Variants in CDK6 observed in about 807,000 individuals in gnomAD.
The protein encoded by CDK6 is cyclin-dependent kinase 6.
Under a neutral mutation model 37.1 loss-of-function variants are expected in CDK6, and 6 were observed. That is an observed-to-expected ratio of 0.16 (90% CI 0.09 to 0.32). The LOEUF (loss-of-function observed/expected upper bound fraction) is 0.32. CDK6 is among the 10% of genes least tolerant of loss of function. The pLI is 1.00. For missense variants in CDK6, 224 were observed against 418.9 expected, an observed-to-expected ratio of 0.53 and a Z score of 4.06; for synonymous variants, 160 against 161.3, an observed-to-expected ratio of 0.99 and a Z score of 0.06.
chr7:92,662,446 G>T (rs1180609231), intron 5 of CDK6, among the ~76,000 whole-genome samples: 1 of 152,164 alleles, frequency 6.6e-6, no homozygotes, highest in Admixed American at 6.5e-5. Context: ...AAGCCTAGAT[G>T]CAAGTGTTAA....
At position 92,833,311 on chromosome 7, in the gene CDK6, C is replaced by T. The variant is rs576150359; in HGVS notation, c.13G>A (p.Gly5Ser). The change falls in exon 2 of 8, where the codon GGC becomes AGC. Residue 5 changes from glycine to serine, a missense_variant. This residue lies in a region of CDK6 where 18 missense variants were observed against 18.5 expected (regional missense o/e 0.97). Transcript: ENST00000424848. This position sits in a 1 kb window ranked among gnomAD's most constrained non-coding sequence, Gnocchi z 6.1. MEKD[G>S]LCRADQQYEC... is the part of the protein sequence containing the mutation. ...TACTGCTGGTCAGCGCGGCACAGGC[C>T]GTCCTTCTCCATGCCGCCTGGACGC... 3.8e-6 allele frequency: 6 copies of T among 1,593,328 alleles called. No individual in the cohort carries two copies. Among genetic ancestry groups the T allele is most frequent in the Admixed American group, 1.7e-5 (1 of 58,436 alleles).
chr7:92,665,894 C>T (rs1796945358), intron 5 of CDK6, among the ~76,000 whole-genome samples: 1 of 152,142 alleles, frequency 6.6e-6, no homozygotes, highest in Admixed American at 6.5e-5. Flanking sequence ...TGTTGTATGC[C>T]CATGGGCAAG....
chr7:92,670,404 T>C (rs936725865), intron 5 of CDK6, among the ~76,000 whole-genome samples: 2 of 152,188 alleles, frequency 1.3e-5, no homozygotes, highest in African/African-American at 2.4e-5. Context: ...AAGCAAGCAA[T>C]GGCTGACCAC....
At chr7:92,638,805 T>C (rs1461807031) in intron 5 of CDK6, among the ~76,000 whole-genome samples, 1 of 152,192 alleles carries the variant, frequency 6.6e-6, no homozygotes, top group Non-Finnish European at 1.5e-5. Flanking sequence ...TGGATGCCAA[T>C]GATATGCTGA....
At chr7:92,719,702 G>T (rs1339129407) in intron 4 of CDK6, among the ~76,000 whole-genome samples, 1 of 152,148 alleles carries the variant, frequency 6.6e-6, no homozygotes, top group African/African-American at 2.4e-5. Context: ...TTCATGAATA[G>T]CATTAAATGA....
chr7:92,763,702 T>G (rs143740446), intron 3 of CDK6, among the ~76,000 whole-genome samples: 1 of 152,198 alleles, frequency 6.6e-6, no homozygotes, highest in African/African-American at 2.4e-5. Context: ...ACCTACTGAT[T>G]GGCTGGGGTT....
At chr7:92,622,997 T>A (rs770752795) in intron 6 of CDK6, 39 bp downstream of exon 6, 2 of 1,264,922 alleles carry the variant, frequency 1.6e-6, no homozygotes, top group East Asian at 2.4e-5. Flanking sequence ...AATGTTTTAA[T>A]GCTATGGACA....
intron 4 of CDK6, among the ~76,000 whole-genome samples, chr7:92,693,243 A>C (rs182816216): frequency 6.6e-6 from 1 of 152,316 alleles, no homozygotes; most frequent in East Asian, 1.9e-4. Context: ...ACCTGGGTTA[A>C]GAGAAAGAGA....
intron 2 of CDK6, among the ~76,000 whole-genome samples, chr7:92,799,388 C>T (rs1694122665): frequency 6.6e-6 from 1 of 152,164 alleles, no homozygotes; most frequent in Admixed American, 6.5e-5. Context: ...CCCATGGCTT[C>T]CCTGAGAGTT....
chr7:92,735,604 A>G (rs1798766427), intron 3 of CDK6, among the ~76,000 whole-genome samples: 1 of 152,232 alleles, frequency 6.6e-6, no homozygotes, highest in Admixed American at 6.5e-5. Flanking sequence ...CTATCCAGCT[A>G]GATTGCAAAT....
chr7:92,743,060 G>T (rs1798966434), intron 3 of CDK6, among the ~76,000 whole-genome samples: 1 of 151,852 alleles, frequency 6.6e-6, no homozygotes, highest in South Asian at 2.1e-4. Flanking sequence ...TCGGTGAAGA[G>T]AGAGGGGAAG....
chr7:92,671,559 T>A (rs1797071985), intron 4 of CDK6, 24 bp from the exon 5 acceptor site: 1 of 1,444,080 alleles, frequency 6.9e-7, no homozygotes, highest in Non-Finnish European at 9.4e-7. Flanking sequence ...CGGATCCAAG[T>A]GTTACTGAGA....
In CDK6 at chr7:92,725,638, A is replaced by G; in HGVS notation, c.525T>C (p.Ala175=). 6.2e-7 allele frequency: 1 copy of G among 1,613,808 alleles called. No individual in the cohort carries two copies. The highest frequency in any genetic ancestry group is 1.1e-5 in the South Asian group (1 of 91,002). The stretch of plus-strand genomic sequence containing the variant: ...CTCTCTCACTCACCACTGAGGTTAG[A>G]GCCATCTGGAAACTATAGATGCGGG... The part of the protein sequence containing the change: ...GLARIYSFQM[A]LTSVVVTLWY... The change falls in exon 4 of 8, where the codon GCT becomes GCC. Residue 175 remains alanine (A), a synonymous_variant. Coordinates refer to ENST00000424848, the MANE Select transcript of CDK6 (RefSeq NM_001145306.2).
At chr7:92,778,836 T>C (rs866012719) in intron 2 of CDK6, among the ~76,000 whole-genome samples, 5 of 150,786 alleles carry the variant, frequency 3.3e-5, no homozygotes, top group African/African-American at 7.3e-5. Flanking sequence ...ATAATTAATA[T>C]ATTTAGTGAA....
At chr7:92,820,289 A>G (rs1341833061) in intron 2 of CDK6, among the ~76,000 whole-genome samples, 1 of 152,150 alleles carries the variant, frequency 6.6e-6, no homozygotes, top group Non-Finnish European at 1.5e-5. Context: ...GAAGGACTCC[A>G]TCAGCTTCAT....
intron 2 of CDK6, among the ~76,000 whole-genome samples, chr7:92,821,131 A>G (rs1801162380): frequency 6.6e-6 from 1 of 152,112 alleles, no homozygotes; most frequent in South Asian, 2.1e-4. Flanking sequence ...TTTTAAAGCC[A>G]TGAGCCAACA....
chr7:92,697,736 G>A (rs1440403330), intron 4 of CDK6, among the ~76,000 whole-genome samples: 1 of 152,212 alleles, frequency 6.6e-6, no homozygotes, highest in Non-Finnish European at 1.5e-5. Flanking sequence ...TTTTAAGAAG[G>A]AGGCTGTGTT....
At chr7:92,675,320 A>G (rs772227545) in intron 4 of CDK6, among the ~76,000 whole-genome samples, 3 of 152,250 alleles carry the variant, frequency 2.0e-5, no homozygotes, top group Non-Finnish European at 4.4e-5. Flanking sequence ...GTTACCACTC[A>G]AAATGTAGAA....
rs1319521456 is a variant in CDK6 at position 92,833,077 on chromosome 7, G to A, written c.233+14C>T. On this transcript the variant is annotated intron_variant, in intron 2 of 7. Coordinates refer to ENST00000424848, the MANE Select transcript of CDK6 (RefSeq NM_001145306.2). This position sits in a 1 kb window ranked among gnomAD's most constrained non-coding sequence, Gnocchi z 6.1. ...CGAGGCCCCAGATGGCGAGGGCGCA[G>A]CTCCCTGGCTCACCTGACCACGTTG... is the stretch of plus-strand genomic sequence containing the variant. 5 of 1,540,536 alleles carry A rather than the reference G, an allele frequency of 3.2e-6. No homozygotes were observed. The South Asian group carries it at 5.9e-5, about 18-fold the overall frequency.
Sources: allele counts gnomAD v4.1 joint callset (sites outside exome capture counted in the v4.1 genomes callset), GRCh38; gene constraint gnomAD v4.1.1; regional missense constraint gnomAD v4.1.1; non-coding constraint Gnocchi (gnomAD v3.1); transcripts MANE v1.5; gene names NCBI Gene and HGNC (gene_info 2026-07-23, HGNC 2026-07-21).